PKD1L1: variants seen among roughly 807,000 people sequenced by gnomAD.
PKD1L1 encodes the protein polycystin-1-like protein 1.
In PKD1L1, 236 loss-of-function variants were observed where a neutral mutation model predicts 323.4. That is an observed-to-expected ratio of 0.73 (90% confidence interval 0.66 to 0.81). The LOEUF is 0.81. PKD1L1 is among the 40% of genes least tolerant of loss of function. The pLI, the probability that PKD1L1 is intolerant of heterozygous loss-of-function variation, is 0.00. For synonymous variants in PKD1L1, 1,344 were observed against 1,335.0 expected (o/e 1.01, Z -0.15); for missense variants, 3,320 against 3,508.0 (o/e 0.95, Z 1.35).
At chr7:47,865,973 A>C (rs969323510) in intron 25 of PKD1L1, among the ~76,000 whole-genome samples, 3 of 152,214 alleles carry the variant, frequency 2.0e-5, no homozygotes, top group African/African-American at 7.2e-5. Flanking sequence ...GTTGTAATGA[A>C]ATAAGATATA....
chr7:47,866,304 C>T, intron 25 of PKD1L1, 115 bp downstream of exon 25: 2 of 1,134,192 alleles, frequency 1.8e-6, no homozygotes, highest in South Asian at 1.6e-5. Context: ...CTCTTGGTCT[C>T]ATTTCTTGCC....
intron 56 of PKD1L1, among the ~76,000 whole-genome samples, chr7:47,788,706 C>T (rs1449495046): frequency 1.3e-5 from 2 of 151,698 alleles, no homozygotes; most frequent in African/African-American, 4.8e-5. Context: ...AGCCATTCTC[C>T]TGCCTCAGCC....
intron 37 of PKD1L1, among the ~76,000 whole-genome samples, chr7:47,835,480 G>A (rs991780293): frequency 7.2e-5 from 11 of 151,958 alleles, no homozygotes; most frequent in Middle Eastern, 3.2e-3. Context: ...GGCTCACTGC[G>A]ACCTCCGCCT....
chr7:47,825,263 C>T (rs112768677), intron 45 of PKD1L1, among the ~76,000 whole-genome samples: 22,702 of 150,458 alleles, frequency 0.15, 2,046 homozygotes, highest in African/African-American at 0.24. Context: ...GGTGTGGTGG[C>T]TCATGCCTAT....
Position 47,824,143 on chromosome 7 carries a change from TA to T in PKD1L1, c.6855-2958del, listed in dbSNP as rs939092398. On this transcript the variant is annotated intron_variant, in intron 45 of 56. Coordinates refer to ENST00000289672, the MANE Select transcript of PKD1L1 (RefSeq NM_138295.5). ...TCAAATCAGGAATCCCAGTTACTTC[TA>T]ATTCTTTTTGGTGGACCAAATCTAG... Among the ~76,000 whole-genome samples the T allele has an allele frequency of 2.4e-4, 37 of 152,238 alleles. 1 individual carries two copies. The highest frequency in any genetic ancestry group is 2.4e-4 in the Non-Finnish European group (16 of 68,034).
At chr7:47,900,637 A>C (rs1396004220) in intron 13 of PKD1L1, among the ~76,000 whole-genome samples, 2 of 152,184 alleles carry the variant, frequency 1.3e-5, no homozygotes, top group Non-Finnish European at 2.9e-5. Flanking sequence ...CTGAGGCAGA[A>C]GAATAGCTTG....
chr7:47,803,150 A>C, intron 53 of PKD1L1, 60 bp downstream of exon 53: 1 of 1,594,140 alleles, frequency 6.3e-7, no homozygotes, highest in Admixed American at 1.7e-5. Context: ...AGAAAGGCTG[A>C]CGAGTACACA....
At chr7:47,899,971 C>T (rs114984337) in intron 13 of PKD1L1, among the ~76,000 whole-genome samples, 1,781 of 102,936 alleles carry the variant, frequency 0.017, 41 homozygotes, top group African/African-American at 0.058. Context: ...AAAAAAAAAT[C>T]GGAAAGGGAA....
chr7:47,948,521 C>A, upstream of PKD1L1: 1 of 1,389,588 alleles, frequency 7.2e-7, no homozygotes, highest in Non-Finnish European at 1.0e-6. Context: ...AGAAATAGAG[C>A]TTAATGCTTC....
Position 47,792,663 on chromosome 7 carries a change from ACT to A in PKD1L1, c.8488_8489del (p.Pro2831LeufsTer6). 1 of 1,613,458 alleles carries A rather than the reference ACT, an allele frequency of 6.2e-7. No individual in the cohort carries two copies. Among genetic ancestry groups the A allele is most frequent in the Non-Finnish European group, 8.5e-7 (1 of 1,179,800 alleles). On this transcript the variant is annotated frameshift_variant, in exon 56 of 57. Coordinates refer to ENST00000289672, the MANE Select transcript of PKD1L1 (RefSeq NM_138295.5). LOFTEE classifies it high-confidence loss of function. Reference sequence around the variant, plus strand: ...GGTAACTAGAAATGTCCACTAAGGGACTCTCTTCTGTCCTTGCCTCCCCTGTG... The same window carrying A: ...GGTAACTAGAAATGTCCACTAAGGGACTCTTCTGTCCTTGCCTCCCCTGTG... ...NNTGEARTEE[S>X]PLVDISSYQA...
intron 13 of PKD1L1, among the ~76,000 whole-genome samples, chr7:47,900,763 G>A (rs1242380471): frequency 6.6e-6 from 1 of 151,892 alleles, no homozygotes; most frequent in Non-Finnish European, 1.5e-5. Context: ...AAAGAAAACT[G>A]GCAACAACAG....
chr7:47,929,118 T>C, intron 7 of PKD1L1, 86 bp downstream of exon 7: 1 of 1,372,476 alleles, frequency 7.3e-7, no homozygotes, highest in Non-Finnish European at 1.0e-6. Flanking sequence ...GAATGCAGTT[T>C]CTTTTCTTTT....
chr7:47,837,535 T>C (rs1395013178), intron 36 of PKD1L1, among the ~76,000 whole-genome samples: 2 of 152,156 alleles, frequency 1.3e-5, no homozygotes, highest in African/African-American at 2.4e-5. Context: ...TCAGGAGACC[T>C]TCTCTCCAGA....
At chr7:47,912,430 A>G (rs2128752229) in intron 8 of PKD1L1, among the ~76,000 whole-genome samples, 1 of 152,334 alleles carries the variant, frequency 6.6e-6, no homozygotes, top group Middle Eastern at 3.4e-3. Flanking sequence ...CAAAGGACAC[A>G]TTGAAAAGGT....
At chr7:47,870,300 C>T (rs927359579) in intron 24 of PKD1L1, among the ~76,000 whole-genome samples, 2 of 151,872 alleles carry the variant, frequency 1.3e-5, no homozygotes, top group East Asian at 3.9e-4. Flanking sequence ...CAATAAAAAT[C>T]AATGAAGCCA....
chr7:47,911,203 G>A (rs865948830), intron 8 of PKD1L1, among the ~76,000 whole-genome samples: 2 of 152,148 alleles, frequency 1.3e-5, no homozygotes, highest in Middle Eastern at 3.4e-3. Context: ...CTTGAAATCT[G>A]GCTATTTAAA....
chr7:47,785,685 T>C (rs185212373), intron 56 of PKD1L1, among the ~76,000 whole-genome samples: 3 of 151,972 alleles, frequency 2.0e-5, no homozygotes, highest in Non-Finnish European at 1.5e-5. Flanking sequence ...TCAGCAGGAG[T>C]TGGGGCATCT....
intron 8 of PKD1L1, among the ~76,000 whole-genome samples, chr7:47,910,485 C>T (rs1410843274): frequency 6.6e-6 from 1 of 151,842 alleles, no homozygotes; most frequent in Non-Finnish European, 1.5e-5. Flanking sequence ...CAGGTGCCCG[C>T]CACCATGCCT....
At chr7:47,807,582 A>G (rs1784806992) in intron 52 of PKD1L1, among the ~76,000 whole-genome samples, 1 of 152,158 alleles carries the variant, frequency 6.6e-6, no homozygotes, top group South Asian at 2.1e-4. Context: ...GCAAGGAGGC[A>G]GAGTATGTGG....
Sources: allele counts gnomAD v4.1 joint callset (sites outside exome capture counted in the v4.1 genomes callset), GRCh38; gene constraint gnomAD v4.1.1; transcripts MANE v1.5; gene names NCBI Gene and HGNC (gene_info 2026-07-23, HGNC 2026-07-21).